Variants in EYS observed in about 807,000 individuals in gnomAD.
The protein encoded by EYS is protein eyes shut homolog.
EYS carries 250 observed loss-of-function variants against 282.1 expected under a neutral mutation model. The observed-to-expected ratio is 0.89, with a 90% confidence interval of 0.80 to 0.98. The LOEUF is 0.98. Ranked by LOEUF, EYS falls within the 50% of genes least tolerant of loss-of-function variation. The pLI, the probability that EYS is intolerant of heterozygous loss-of-function variation, is 0.00. For synonymous variants in EYS, 1,355 were observed against 1,282.9 expected (o/e 1.06, Z -1.20); for missense variants, 4,016 against 3,709.0 (o/e 1.08, Z -2.15).
intron 31 of EYS, among the ~76,000 whole-genome samples, chr6:64,188,526 T>C (rs1052890759): frequency 1.3e-5 from 2 of 152,150 alleles, no homozygotes; most frequent in Non-Finnish European, 2.9e-5. Flanking sequence ...TTGCTGTTCA[T>C]GTGAGATTCA....
intron 31 of EYS, among the ~76,000 whole-genome samples, chr6:64,095,981 C>A (rs1343949024): frequency 6.6e-6 from 1 of 152,182 alleles, no homozygotes; most frequent in African/African-American, 2.4e-5. Context: ...ATTTGCTTAT[C>A]TGTAAAGTAT....
intron 26 of EYS, among the ~76,000 whole-genome samples, chr6:64,514,504 T>C (rs553558664): frequency 6.6e-6 from 1 of 152,000 alleles, no homozygotes; most frequent in East Asian, 1.9e-4. Flanking sequence ...CAGAAGACTT[T>C]ATATTTTAAT....
chr6:65,029,555 C>T (rs1309081833), intron 13 of EYS, among the ~76,000 whole-genome samples: 1 of 151,910 alleles, frequency 6.6e-6, no homozygotes, highest in African/African-American at 2.4e-5. Flanking sequence ...TCCTGCCTCC[C>T]CTTCTAATTC....
chr6:63,784,000 A>G (rs1337895109), intron 39 of EYS, among the ~76,000 whole-genome samples: 1 of 152,210 alleles, frequency 6.6e-6, no homozygotes, highest in South Asian at 2.1e-4. Context: ...GGAACAAAAA[A>G]GAGGGAATTC....
intron 5 of EYS, among the ~76,000 whole-genome samples, chr6:65,425,245 C>T (rs980961805): frequency 2.6e-5 from 4 of 151,996 alleles, no homozygotes; most frequent in Admixed American, 1.3e-4. Flanking sequence ...ACTAATCTGT[C>T]TCTAGATGTG....
At chr6:64,835,029 A>G (rs1461142065) in intron 19 of EYS, among the ~76,000 whole-genome samples, 3 of 151,742 alleles carry the variant, frequency 2.0e-5, no homozygotes, top group Non-Finnish European at 4.4e-5. Flanking sequence ...AGGAGTTTAA[A>G]GATGTAAAGT....
At chr6:65,334,803 C>T (rs1769920998) in intron 11 of EYS, 177 bp downstream of exon 11, 4 of 576,084 alleles carry the variant, frequency 6.9e-6, no homozygotes, top group Admixed American at 6.2e-5. Flanking sequence ...TTATACATAA[C>T]ATGTATTATG....
At chr6:64,993,084 C>A (rs567789225) in intron 14 of EYS, among the ~76,000 whole-genome samples, 1 of 151,396 alleles carries the variant, frequency 6.6e-6, no homozygotes, top group Non-Finnish European at 1.5e-5. Context: ...TATTAGGAGC[C>A]AAGATGAACT....
At chr6:64,524,952 A>G (rs1047984526) in intron 26 of EYS, among the ~76,000 whole-genome samples, 13 of 152,022 alleles carry the variant, frequency 8.6e-5, no homozygotes, top group Admixed American at 8.5e-4. Context: ...TTATTAGAGA[A>G]GTGCATATCA....
intron 29 of EYS, among the ~76,000 whole-genome samples, chr6:64,336,771 G>C (rs1250564908): frequency 6.6e-6 from 1 of 151,896 alleles, no homozygotes; most frequent in Middle Eastern, 3.2e-3. Flanking sequence ...ATTATATGAA[G>C]CACTCTCTCA....
intron 7 of EYS, 57 bp from the exon 8 acceptor site, chr6:65,384,557 C>G: frequency 1.2e-6 from 1 of 868,864 alleles, no homozygotes; most frequent in Non-Finnish European, 1.9e-6. Flanking sequence ...TTCAGAAAAG[C>G]CTATTAACAT....
chr6:64,503,688 G>A (rs1390087398), intron 26 of EYS, among the ~76,000 whole-genome samples: 1 of 152,196 alleles, frequency 6.6e-6, no homozygotes. Context: ...ACAACCAAGA[G>A]AATGGCCTTG....
chr6:64,548,598 T>C (rs900329807), intron 26 of EYS, among the ~76,000 whole-genome samples: 1 of 152,064 alleles, frequency 6.6e-6, no homozygotes, highest in South Asian at 2.1e-4. Context: ...AAACACCGCA[T>C]GTTCTCACTC....
At chr6:65,296,783 A>G (rs1768679479) in intron 11 of EYS, among the ~76,000 whole-genome samples, 1 of 151,826 alleles carries the variant, frequency 6.6e-6, no homozygotes, top group Non-Finnish European at 1.5e-5. Context: ...AATTTATCCA[A>G]TATATTTTTC....
intron 26 of EYS, among the ~76,000 whole-genome samples, chr6:64,508,050 A>G (rs931597324): frequency 1.3e-5 from 2 of 152,196 alleles, no homozygotes; most frequent in Non-Finnish European, 2.9e-5. Context: ...TGGGTGTCTG[A>G]CATTGTGAAT....
At chr6:63,821,380 T>C (rs1158744387) in intron 36 of EYS, 1 of 152,172 alleles carries the variant, frequency 6.6e-6, no homozygotes, top group Non-Finnish European at 1.5e-5. Context: ...TCCTCACCCT[T>C]ATTGAGAGTA....
rs189978998 is a variant in EYS, at chr6:65,676,090, G to A, written c.-448+31045C>T. ...ATGAGCTGTAGCAAAAGCAGCACTA[G>A]GAAAGAACTTCATCGTGATAAACAC... On this transcript the variant is annotated intron_variant, in intron 1 of 42. Transcript: ENST00000503581. 8.8e-4 allele frequency among the ~76,000 whole-genome samples: 134 copies of A among 151,688 alleles called. 1 individual carries two copies. Among genetic ancestry groups the A allele is most frequent in the African/African-American group, 3.1e-3 (128 of 41,474 alleles).
intron 35 of EYS, among the ~76,000 whole-genome samples, chr6:63,895,562 A>C (rs1314560900): frequency 1.3e-5 from 2 of 152,230 alleles, no homozygotes; most frequent in African/African-American, 4.8e-5. Flanking sequence ...GATAATTTTA[A>C]GATTAATGTT....
intron 2 of EYS, among the ~76,000 whole-genome samples, chr6:65,614,092 A>G (rs1766099173): frequency 6.6e-6 from 1 of 151,990 alleles, no homozygotes; most frequent in South Asian, 2.1e-4. Flanking sequence ...GTGTCTTTAA[A>G]TTTCACTTAT....
Sources: gnomAD v4.1 joint callset for allele counts (sites outside exome capture counted in the v4.1 genomes callset) on GRCh38, gnomAD v4.1.1 for gene constraint, MANE v1.5 for transcripts, NCBI Gene and HGNC (gene_info 2026-07-23, HGNC 2026-07-21) for gene names.